DBNL: variants seen among roughly 807,000 people sequenced by gnomAD.
The protein encoded by DBNL is drebrin like, also known as drebrin-like protein.
Under a neutral mutation model 62.2 loss-of-function variants are expected in DBNL, and 35 were observed. The ratio of observed to expected loss-of-function variants is 0.56; its 90% confidence interval spans 0.43 to 0.75. The LOEUF is 0.75. DBNL is among the 30% of genes least tolerant of loss of function. The pLI, the probability that DBNL is intolerant of heterozygous loss-of-function variation, is 0.00. For missense variants in DBNL, 495 were observed against 578.4 expected (o/e 0.86, Z 1.48); for synonymous variants, 197 against 218.0 (o/e 0.90, Z 0.85).
intron 1 of DBNL, among the ~76,000 whole-genome samples, chr7:44,047,418 C>G (rs559110781): frequency 5.9e-5 from 9 of 152,322 alleles, no homozygotes; most frequent in Middle Eastern, 3.4e-3. Flanking sequence ...TGGGGAGCAA[C>G]CATGACATCA....
chr7:44,065,586 C>T lies in DBNL; in HGVS notation c.*4670C>T. The stretch of plus-strand genomic sequence containing the variant: ...CGGGGACGGCTGCTTCCCAACACTC[C>T]CAGCTTTATAATAGTGTCTTCCCAG... On this transcript the variant is annotated 3_prime_UTR_variant, in exon 13 of 13. Coordinates refer to ENST00000448521, the MANE Select transcript of DBNL (RefSeq NM_001014436.3). 1 of 1,532,216 alleles carries T rather than the reference C, an allele frequency of 6.5e-7. No individual in the cohort carries two copies. The highest frequency in any genetic ancestry group is 9.0e-7 in the Non-Finnish European group (1 of 1,110,270). 94.9% of individuals were successfully genotyped at this position (1,532,216 alleles called of 1,614,324 possible). A position where few individuals can be genotyped will look rare whatever the true frequency, so the allele number is the denominator to read the frequency against.
At chr7:44,057,698 A>G in intron 5 of DBNL, 84 bp from the exon 6 acceptor site, 1 of 1,510,524 alleles carries the variant, frequency 6.6e-7, no homozygotes, top group South Asian at 1.1e-5. Flanking sequence ...TGCTGTCGCA[A>G]GTTTAGCGTA....
At chr7:44,053,101 T>A (rs1049259952) in intron 4 of DBNL, 160 bp downstream of exon 4, 4 of 987,960 alleles carry the variant, frequency 4.0e-6, no homozygotes, top group Admixed American at 4.5e-5. Flanking sequence ...AGAGGCTGCT[T>A]CACTCTCGGT....
intron 4 of DBNL, among the ~76,000 whole-genome samples, chr7:44,054,805 A>C (rs2096133195): frequency 6.6e-6 from 1 of 151,942 alleles, no homozygotes; most frequent in Non-Finnish European, 1.5e-5. Flanking sequence ...GCCCTTCCCA[A>C]CCCCTGGTAA....
At position 44,065,666 on chromosome 7, in the gene DBNL, C is replaced by CA; in HGVS notation, c.*4751dup. ...AGCATTCCAGGCGGTGGCAGGTGACCAGTAGCTGAGCTGCTGGGGGCTGGG... is the reference window on the plus strand; with the variant it reads ...AGCATTCCAGGCGGTGGCAGGTGACCAAGTAGCTGAGCTGCTGGGGGCTGGG... On this transcript the variant is annotated 3_prime_UTR_variant, in exon 13 of 13. Transcript: ENST00000448521. The CA allele has an allele frequency of 3.6e-6, 3 of 843,106 alleles. No individual in the cohort carries two copies. The highest frequency in any genetic ancestry group is 3.9e-5 in the Admixed American group (2 of 51,030). 52.2% of individuals were successfully genotyped at this position (843,106 alleles called of 1,614,324 possible). A position where few individuals can be genotyped will look rare whatever the true frequency, so the allele number is the denominator to read the frequency against.
chr7:44,052,661 G>A (rs925094142), intron 3 of DBNL, among the ~76,000 whole-genome samples: 1 of 151,914 alleles, frequency 6.6e-6, no homozygotes. Flanking sequence ...AGCGAAAGCC[G>A]GTAGCCATCC....
At position 44,062,987 on chromosome 7, in the gene DBNL, CA is replaced by C; in HGVS notation, c.*2072del. ...CTCTGTCCCCAGCCTGTTTACACAG[CA>C]GACACTATGTGACCTTTATGGTCCA... On this transcript the variant is annotated 3_prime_UTR_variant, in exon 13 of 13. Coordinates refer to ENST00000448521, the MANE Select transcript of DBNL (RefSeq NM_001014436.3). 1 of 1,570,654 alleles carries C rather than the reference CA, an allele frequency of 6.4e-7. No homozygotes were observed. The highest frequency in any genetic ancestry group is 8.8e-7 in the Non-Finnish European group (1 of 1,140,698).
In DBNL at chr7:44,060,076, A is replaced by G; in HGVS notation, c.1076A>G (p.His359Arg). The G allele has an allele frequency of 6.2e-7, 1 of 1,613,710 alleles. No homozygotes were observed. The highest frequency in any genetic ancestry group is 1.3e-5 in the African/African-American group (1 of 75,022). ...CAGCAGCAAGGTGCTGGCTCTGAGC[A>G]CATTGACCACCACATTCAGGGCCAG... The part of the protein sequence containing the change: ...LVQQQGAGSE[H>R]IDHHIQGQGL... The change falls in exon 12 of 13, where the codon CAC (histidine) becomes CGC (arginine). Residue 359 changes from histidine (H) to arginine (R), a missense_variant. Coordinates refer to ENST00000448521, the MANE Select transcript of DBNL (RefSeq NM_001014436.3). The surrounding 1 kb of genome is among the most constrained non-coding windows in gnomAD (Gnocchi z 6.3).
At chr7:44,054,424 C>G (rs2096132352) in intron 4 of DBNL, among the ~76,000 whole-genome samples, 1 of 152,156 alleles carries the variant, frequency 6.6e-6, no homozygotes, top group African/African-American at 2.4e-5. Flanking sequence ...AATCCCTGAG[C>G]TCAAGTGATC....
chr7:44,046,916 C>T lies in DBNL; in HGVS notation c.83+2096C>T, dbSNP rs530499229. Among the ~76,000 whole-genome samples, 6 of 152,322 alleles carry T rather than the reference C, an allele frequency of 3.9e-5. No homozygotes were observed. In the East Asian group the frequency reaches 5.8e-4, roughly 15 times the overall value. On this transcript the variant is annotated intron_variant, in intron 1 of 12. Transcript: ENST00000448521. ...CACTGTGGCCACACCTGTTTGTCACCACTCTGGCCGTCTTTCTCTTCCTCA... is the reference window on the plus strand; with the variant it reads ...CACTGTGGCCACACCTGTTTGTCACTACTCTGGCCGTCTTTCTCTTCCTCA...
chr7:44,064,896 G>T lies in DBNL; in HGVS notation c.*3980G>T. On this transcript the variant is annotated 3_prime_UTR_variant, in exon 13 of 13. Coordinates refer to ENST00000448521, the MANE Select transcript of DBNL (RefSeq NM_001014436.3). ...GGGCTGCAATGAGCACTCGCTTGCCGGCCTTGATCTGGGGAACAATCTCCT... is the reference window on the plus strand; with the variant it reads ...GGGCTGCAATGAGCACTCGCTTGCCTGCCTTGATCTGGGGAACAATCTCCT... 1 of 1,600,078 alleles carries T rather than the reference G, an allele frequency of 6.2e-7. No homozygotes were observed. The highest frequency in any genetic ancestry group is 1.1e-5 in the South Asian group (1 of 90,410).
chr7:44,045,496 T>A (rs2096115628), intron 1 of DBNL, among the ~76,000 whole-genome samples: 2 of 152,236 alleles, frequency 1.3e-5, no homozygotes, highest in African/African-American at 4.8e-5. Context: ...CCACCCAAGA[T>A]ATCCTCACTT....
intron 4 of DBNL, 123 bp downstream of exon 4, chr7:44,053,064 T>A: frequency 7.9e-7 from 1 of 1,269,716 alleles, no homozygotes; most frequent in East Asian, 2.5e-5. Context: ...TAGCTAATGC[T>A]CTCTGCCTGC....
At chr7:44,053,965 C>A (rs1158524803) in intron 4 of DBNL, among the ~76,000 whole-genome samples, 2 of 152,146 alleles carry the variant, frequency 1.3e-5, no homozygotes, top group African/African-American at 2.4e-5. Flanking sequence ...CGTGAACCAC[C>A]ACGCCCAGCC....
intron 4 of DBNL, among the ~76,000 whole-genome samples, chr7:44,054,286 A>G (rs1185538182): frequency 2.0e-5 from 3 of 151,980 alleles, no homozygotes; most frequent in Non-Finnish European, 4.4e-5. Flanking sequence ...TCTGCCTCCC[A>G]GGTTCAAGTG....
rs2096153135 is a variant in DBNL at position 44,063,514 on chromosome 7, A to C, written c.*2598A>C. The C allele has an allele frequency of 5.8e-6, 1 of 172,662 alleles. No homozygotes were observed. The highest frequency in any genetic ancestry group is 1.5e-4 in the East Asian group (1 of 6,452). The allele number at this position is 172,662 out of a possible 1,614,324, so 10.7% of individuals were successfully genotyped here. ...AGGCTGGTCTCAAACTCCTGACCTC[A>C]GGTGATCTGCCTGCCTCAGCCTCCC... On this transcript the variant is annotated 3_prime_UTR_variant, in exon 13 of 13. Coordinates refer to ENST00000448521, the MANE Select transcript of DBNL (RefSeq NM_001014436.3).
Position 44,059,750 on chromosome 7 carries a change from C to T in DBNL, c.1047+92C>T. 2 of 1,263,548 alleles carry T rather than the reference C, an allele frequency of 1.6e-6. No individual in the cohort carries two copies. The highest frequency in any genetic ancestry group is 2.5e-5 in the East Asian group (1 of 39,462). The allele number at this position is 1,263,548 out of a possible 1,614,324, so 78.3% of individuals were successfully genotyped here. On this transcript the variant is annotated intron_variant, in intron 11 of 12. Coordinates refer to ENST00000448521, the MANE Select transcript of DBNL (RefSeq NM_001014436.3). The surrounding 1 kb of genome is among the most constrained non-coding windows in gnomAD (Gnocchi z 4.1). ...GCCTGAGTTTTCTGGGGGCATGCAA[C>T]AGGTTTTAAAGCACATGCATTTTTG...
Position 44,065,091 on chromosome 7 carries a change from G to A in DBNL, c.*4175G>A. The A allele has an allele frequency of 6.2e-7, 1 of 1,613,104 alleles. No individual in the cohort carries two copies. The highest frequency in any genetic ancestry group is 8.5e-7 in the Non-Finnish European group (1 of 1,179,980). Reference sequence around the variant, plus strand: ...ACTCCCCACTCTGCAGCTTCCCAGAGGCCTTCCCAGCAAAGGCAGCCCACC... The same window carrying A: ...ACTCCCCACTCTGCAGCTTCCCAGAAGCCTTCCCAGCAAAGGCAGCCCACC... On this transcript the variant is annotated 3_prime_UTR_variant, in exon 13 of 13. Coordinates refer to ENST00000448521, the MANE Select transcript of DBNL (RefSeq NM_001014436.3).
intron 8 of DBNL, 180 bp downstream of exon 8, chr7:44,058,660 CG>C: frequency 1.1e-6 from 1 of 926,700 alleles, no homozygotes; most frequent in Non-Finnish European, 1.6e-6. Context: ...GCGGAAGCGT[CG>C]GGCTTGGACC....
Sources: gnomAD v4.1 joint callset for allele counts (sites outside exome capture counted in the v4.1 genomes callset) on GRCh38, gnomAD v4.1.1 for gene constraint, Gnocchi (gnomAD v3.1) non-coding constraint, MANE v1.5 for transcripts, NCBI Gene and HGNC (gene_info 2026-07-23, HGNC 2026-07-21) for gene names.